CERS6: variants seen among roughly 807,000 people sequenced by gnomAD.
The protein encoded by CERS6 is LAG1 homolog, ceramide synthase 6.
A neutral mutation model predicts 56.8 loss-of-function variants in CERS6; 26 were observed. The observed-to-expected ratio is 0.46, with a 90% CI of 0.34 to 0.63. The LOEUF (loss-of-function observed/expected upper bound fraction) is 0.63, where lower values mean the gene tolerates loss of function less well. Ranked by LOEUF, CERS6 falls within the 30% of genes least tolerant of loss-of-function variation. The pLI is 0.01. For missense variants in CERS6, 415 were observed against 467.5 expected, an observed-to-expected ratio of 0.89 and a Z score of 1.04; for synonymous variants, 164 against 173.3, an observed-to-expected ratio of 0.95 and a Z score of 0.42.
intron 8 of CERS6, among the ~76,000 whole-genome samples, chr2:168,757,369 A>AC (rs1333573577): frequency 1.3e-5 from 2 of 151,640 alleles, no homozygotes; most frequent in African/African-American, 4.9e-5. Flanking sequence ...AAAAAAAAAA[A>AC]AAAAACATCT....
Position 168,535,438 on chromosome 2 carries a change from T to C in CERS6, c.171-12158T>C, listed in dbSNP as rs73020590. Among the ~76,000 whole-genome samples, 18 of 152,092 alleles carry C rather than the reference T, an allele frequency of 1.2e-4. No homozygotes were observed. In the South Asian group the frequency reaches 2.3e-3, roughly 19 times the overall value. On this transcript the variant is annotated intron_variant, in intron 1 of 9. Coordinates refer to ENST00000305747, the MANE Select transcript of CERS6 (RefSeq NM_203463.3). Reference sequence around the variant, plus strand: ...CATGTTCACTTACTGCTTCCCTTGGTTGGGGGGAGAGGGTTCTCCTGGCTC... The same window carrying C: ...CATGTTCACTTACTGCTTCCCTTGGCTGGGGGGAGAGGGTTCTCCTGGCTC...
intron 8 of CERS6, among the ~76,000 whole-genome samples, chr2:168,741,929 T>G (rs567382322): frequency 4.5e-4 from 69 of 152,292 alleles, no homozygotes; most frequent in Non-Finnish European, 9.9e-4. Flanking sequence ...AGTATTCATT[T>G]CAAAAAATGA....
In CERS6 at chr2:168,615,459, TA is replaced by T. The variant is rs201935937; in HGVS notation, c.408-15516del. On this transcript the variant is annotated intron_variant, in intron 3 of 9. Coordinates refer to ENST00000305747, the MANE Select transcript of CERS6 (RefSeq NM_203463.3). ...AAAGGTGAAGTCCAATTTAACGAAA[TA>T]AAAAAAAAATGATAGAAGAAATGAG... 4.1e-3 allele frequency among the ~76,000 whole-genome samples: 590 copies of T among 144,778 alleles called. 3 individuals are homozygous for T. The highest frequency in any genetic ancestry group is 0.014 in the African/African-American group (550 of 39,388). The allele number at this position is 144,778 out of a possible 152,430, so 95.0% of individuals were successfully genotyped here.
intron 8 of CERS6, among the ~76,000 whole-genome samples, chr2:168,763,639 T>G (rs1382383910): frequency 6.6e-6 from 1 of 152,176 alleles, no homozygotes; most frequent in Non-Finnish European, 1.5e-5. Flanking sequence ...TTTATTTAAA[T>G]TATCTATTTG....
At chr2:168,512,887 C>T (rs949328415) in intron 1 of CERS6, among the ~76,000 whole-genome samples, 1 of 152,010 alleles carries the variant, frequency 6.6e-6, no homozygotes, top group African/African-American at 2.4e-5. Flanking sequence ...AGGCTGGTCT[C>T]GAACTGCTGA....
chr2:168,699,201 A>G (rs777578201), intron 6 of CERS6, among the ~76,000 whole-genome samples: 2 of 152,286 alleles, frequency 1.3e-5, no homozygotes, highest in South Asian at 2.1e-4. Flanking sequence ...GTGAGGATTT[A>G]TGGCACATTC....
chr2:168,545,820 A>G (rs2105371491), intron 1 of CERS6, among the ~76,000 whole-genome samples: 1 of 152,362 alleles, frequency 6.6e-6, no homozygotes, highest in South Asian at 2.1e-4. Flanking sequence ...ACTGTACTGG[A>G]ACAGCAGGCT....
At chr2:168,589,649 A>G (rs541868500) in intron 3 of CERS6, among the ~76,000 whole-genome samples, 59 of 152,324 alleles carry the variant, frequency 3.9e-4, no homozygotes, top group African/African-American at 1.2e-3. Flanking sequence ...TTTTAAATAT[A>G]ATTTTAAAGA....
chr2:168,482,676 A>T (rs1005926530), intron 1 of CERS6, among the ~76,000 whole-genome samples: 8 of 152,250 alleles, frequency 5.3e-5, no homozygotes, highest in Admixed American at 3.3e-4. Flanking sequence ...GACTCACATT[A>T]TCTTTGATTA....
chr2:168,498,886 A>T (rs1005416834), intron 1 of CERS6, among the ~76,000 whole-genome samples: 1 of 152,062 alleles, frequency 6.6e-6, no homozygotes, highest in African/African-American at 2.4e-5. Flanking sequence ...GTTAGTGAGG[A>T]GGGGGTATAA....
intron 6 of CERS6, among the ~76,000 whole-genome samples, chr2:168,713,596 G>T (rs1378807980): frequency 2.0e-5 from 3 of 152,124 alleles, no homozygotes; most frequent in African/African-American, 7.2e-5. Flanking sequence ...GCCAAGATGA[G>T]GTTCCCTTGA....
At position 168,473,642 on chromosome 2, in the gene CERS6, AAT is replaced by A. The variant is rs535951387; in HGVS notation, c.170+17027_170+17028del. Among the ~76,000 whole-genome samples, 619 of 152,290 alleles carry A rather than the reference AAT, an allele frequency of 4.1e-3. 19 individuals are homozygous for A. Among genetic ancestry groups the A allele is most frequent in the Non-Finnish European group, 6.8e-4 (46 of 68,030 alleles). Reference sequence around the variant, plus strand: ...ACAAAATTGTGTTTGAAATATTTAGAATATGATACCTCTTGATTTAACAGTTA... The same window carrying A: ...ACAAAATTGTGTTTGAAATATTTAGAATGATACCTCTTGATTTAACAGTTA... On this transcript the variant is annotated intron_variant, in intron 1 of 9. Coordinates refer to ENST00000305747, the MANE Select transcript of CERS6 (RefSeq NM_203463.3).
At chr2:168,736,786 G>T (rs1683728257) in intron 8 of CERS6, among the ~76,000 whole-genome samples, 1 of 152,260 alleles carries the variant, frequency 6.6e-6, no homozygotes, top group Non-Finnish European at 1.5e-5. Flanking sequence ...AGATGGAGCT[G>T]ATGCATGTGT....
intron 8 of CERS6, among the ~76,000 whole-genome samples, chr2:168,761,281 T>C (rs375733929): frequency 1.3e-5 from 2 of 152,268 alleles, no homozygotes; most frequent in South Asian, 4.1e-4. Context: ...TGCCACTGAT[T>C]GTCATGGCAA....
At chr2:168,569,699 A>C in intron 3 of CERS6, among the ~76,000 whole-genome samples, 1 of 152,196 alleles carries the variant, frequency 6.6e-6, no homozygotes, top group East Asian at 1.9e-4. Context: ...CAAGCCTGGT[A>C]GCAGGACCAG....
chr2:168,517,934 G>A (rs531678536), intron 1 of CERS6, among the ~76,000 whole-genome samples: 2 of 152,144 alleles, frequency 1.3e-5, no homozygotes, highest in African/African-American at 2.4e-5. Context: ...ATTAAGATGC[G>A]TGCCCTTAAT....
At chr2:168,583,553 T>A (rs1683471060) in intron 3 of CERS6, among the ~76,000 whole-genome samples, 2 of 152,236 alleles carry the variant, frequency 1.3e-5, no homozygotes, top group Non-Finnish European at 1.5e-5. Context: ...TTGGGTGGCC[T>A]CCCTGGGTCT....
intron 4 of CERS6, among the ~76,000 whole-genome samples, chr2:168,681,130 C>G (rs1327926913): frequency 6.6e-6 from 1 of 152,112 alleles, no homozygotes; most frequent in Non-Finnish European, 1.5e-5. Context: ...AAGGCCTAGG[C>G]AAATGGGTTG....
chr2:168,705,469 G>A (rs1187659302), intron 6 of CERS6, among the ~76,000 whole-genome samples: 1 of 152,182 alleles, frequency 6.6e-6, no homozygotes, highest in Non-Finnish European at 1.5e-5. Context: ...CTGTATGTTT[G>A]TGAGGGGTTG....
Sources: allele counts gnomAD v4.1 joint callset (sites outside exome capture counted in the v4.1 genomes callset), GRCh38; gene constraint gnomAD v4.1.1; transcripts MANE v1.5; gene names NCBI Gene and HGNC (gene_info 2026-07-23, HGNC 2026-07-21).